The following RALYL variants were observed in gnomAD, a reference collection of about 807,000 sequenced individuals.
The protein encoded by RALYL is RNA-binding Raly-like protein.
RALYL carries 29 observed loss-of-function variants against 35.1 expected under a neutral mutation model. The observed-to-expected ratio is 0.83, with a 90% CI of 0.61 to 1.13. The LOEUF (loss-of-function observed/expected upper bound fraction) is 1.13, where lower values mean the gene tolerates loss of function less well. RALYL is among the 50% of genes most tolerant of loss of function. RALYL has a pLI of 0.00. For missense variants in RALYL, 359 were observed against 360.4 expected, an observed-to-expected ratio of 1.00 and a Z score of 0.03; for synonymous variants, 120 against 127.6, an observed-to-expected ratio of 0.94 and a Z score of 0.40.
chr8:84,361,564 A>G (rs974044997), intron 1 of RALYL, among the ~76,000 whole-genome samples: 2 of 152,206 alleles, frequency 1.3e-5, no homozygotes, highest in African/African-American at 2.4e-5. Flanking sequence ...GCCATAATTC[A>G]TCTGAAAAGC....
intron 1 of RALYL, among the ~76,000 whole-genome samples, chr8:84,351,163 A>G (rs530270266): frequency 6.7e-6 from 1 of 150,158 alleles, no homozygotes; most frequent in African/African-American, 2.5e-5. Context: ...AACAGACAAA[A>G]CCAGTTCTAT....
At chr8:84,451,662 G>A (rs1212282103) in intron 1 of RALYL, among the ~76,000 whole-genome samples, 1 of 151,904 alleles carries the variant, frequency 6.6e-6, no homozygotes, top group Non-Finnish European at 1.5e-5. Context: ...ATGAAAGAGA[G>A]CATTGAAATG....
At chr8:84,438,611 C>T (rs769131856) in intron 1 of RALYL, among the ~76,000 whole-genome samples, 2 of 151,970 alleles carry the variant, frequency 1.3e-5, no homozygotes, top group Non-Finnish European at 2.9e-5. Context: ...AGGCTGGTCT[C>T]AGATTCCTGA....
chr8:84,562,892 C>T (rs2061554748), intron 2 of RALYL, among the ~76,000 whole-genome samples: 1 of 151,910 alleles, frequency 6.6e-6, no homozygotes, highest in African/African-American at 2.4e-5. Flanking sequence ...GCACGAGACT[C>T]AATCACCATA....
At chr8:84,792,720 A>G (rs776092058) in intron 3 of RALYL, among the ~76,000 whole-genome samples, 4 of 152,120 alleles carry the variant, frequency 2.6e-5, no homozygotes, top group Non-Finnish European at 5.9e-5. Flanking sequence ...TTTTCTTCAC[A>G]TAGTCTCTCC....
chr8:84,894,002 T>G (rs2135488858), intron 8 of RALYL, among the ~76,000 whole-genome samples: 1 of 152,292 alleles, frequency 6.6e-6, no homozygotes, highest in Non-Finnish European at 1.5e-5. Context: ...GTAAGTCACC[T>G]GGGCTTACCA....
At chr8:84,556,205 T>C (rs16912964) in intron 2 of RALYL, among the ~76,000 whole-genome samples, 2,605 of 152,286 alleles carry the variant, frequency 0.017, 87 homozygotes, top group African/African-American at 0.059. Context: ...TTCAGAATTT[T>C]AAAAAGAGTG....
chr8:84,325,048 A>G (rs1045860638), intron 1 of RALYL, among the ~76,000 whole-genome samples: 1 of 152,124 alleles, frequency 6.6e-6, no homozygotes, highest in Non-Finnish European at 1.5e-5. Flanking sequence ...ATTGTGGCAT[A>G]AAGATTGTTG....
chr8:84,631,608 T>A (rs980614710), intron 2 of RALYL, among the ~76,000 whole-genome samples: 16 of 151,862 alleles, frequency 1.1e-4, no homozygotes, highest in Non-Finnish European at 2.4e-4. Flanking sequence ...AGACAGTTTT[T>A]TTTTTGATAT....
intron 2 of RALYL, among the ~76,000 whole-genome samples, chr8:84,635,282 T>C (rs1008974960): frequency 1.3e-5 from 2 of 151,670 alleles, no homozygotes; most frequent in African/African-American, 4.8e-5. Context: ...TAAGTCCAAT[T>C]ATCTTCTGCT....
At position 84,253,562 on chromosome 8, in the gene RALYL, A is replaced by T. The variant is rs1303927480; in HGVS notation, c.-24+69138A>T. Among the ~76,000 whole-genome samples the T allele has an allele frequency of 2.0e-5, 3 of 151,860 alleles. No homozygotes were observed. In the East Asian group the frequency reaches 5.8e-4, roughly 29 times the overall value. On this transcript the variant is annotated intron_variant, in intron 1 of 8. Transcript: ENST00000521268. ...GAGGACTTTCCATGTCTGTTATTTG[A>T]ATAGTAATTGATTGAGAAAGGTTCT...
chr8:84,482,195 G>A (rs1160640354), intron 1 of RALYL, among the ~76,000 whole-genome samples: 2 of 151,976 alleles, frequency 1.3e-5, no homozygotes, highest in African/African-American at 4.8e-5. Context: ...ACATTGTTGA[G>A]AGCAGAGGAA....
chr8:84,391,489 G>C (rs943653644), intron 1 of RALYL, among the ~76,000 whole-genome samples: 2 of 151,980 alleles, frequency 1.3e-5, no homozygotes, highest in African/African-American at 4.8e-5. Context: ...TTTGTCTGTA[G>C]GTTATTCTCA....
chr8:84,913,014 GGATGGATGGATGGATGGATA>G (rs1182301375), intron 8 of RALYL, among the ~76,000 whole-genome samples: 6 of 128,852 alleles, frequency 4.7e-5, no homozygotes, highest in Admixed American at 8.4e-5. Flanking sequence ...ATGGATGGAT[GGATGGATGGATGGATGGATA>G]GGTAGGTAGA....
chr8:84,871,484 G>T (rs969617773), intron 6 of RALYL, among the ~76,000 whole-genome samples: 1 of 152,206 alleles, frequency 6.6e-6, no homozygotes, highest in African/African-American at 2.4e-5. Context: ...TATTAAATTT[G>T]ATACGTTTAA....
chr8:84,660,002 C>G (rs1830613122), intron 2 of RALYL, among the ~76,000 whole-genome samples: 1 of 151,896 alleles, frequency 6.6e-6, no homozygotes, highest in African/African-American at 2.4e-5. Context: ...CAATGATTAC[C>G]AATAGGGAGA....
chr8:84,216,673 C>A (rs888398968), intron 1 of RALYL, among the ~76,000 whole-genome samples: 18 of 152,256 alleles, frequency 1.2e-4, no homozygotes, highest in African/African-American at 4.3e-4. Flanking sequence ...ATTTTCTTCA[C>A]TGAGGGAAAT....
chr8:84,421,907 C>T (rs1315791165), intron 1 of RALYL, among the ~76,000 whole-genome samples: 3 of 150,374 alleles, frequency 2.0e-5, no homozygotes, highest in Non-Finnish European at 4.5e-5. Flanking sequence ...CCCACTTGAT[C>T]ATGGTGGATA....
At chr8:84,226,770 A>G (rs1003473642) in intron 1 of RALYL, among the ~76,000 whole-genome samples, 8 of 152,204 alleles carry the variant, frequency 5.3e-5, no homozygotes, top group Admixed American at 2.0e-4. Context: ...ATTTCTCTAT[A>G]CGGTGTTTAA....
Sources: gnomAD v4.1 joint callset for allele counts (sites outside exome capture counted in the v4.1 genomes callset) on GRCh38, gnomAD v4.1.1 for gene constraint, MANE v1.5 for transcripts, NCBI Gene and HGNC (gene_info 2026-07-23, HGNC 2026-07-21) for gene names.